RNF111: variants seen among roughly 807,000 people sequenced by gnomAD.
RNF111 encodes E3 ubiquitin-protein ligase Arkadia.
In RNF111, 17 loss-of-function variants were observed where a neutral mutation model predicts 95.1. The ratio of observed to expected loss-of-function variants is 0.18; its 90% CI spans 0.12 to 0.27. The LOEUF is 0.27. Among genes scored for constraint, RNF111 ranks in the 10% least tolerant of loss-of-function variants. The pLI is 1.00. For missense variants in RNF111, 1,189 were observed against 1,210.4 expected (o/e 0.98, Z 0.26); for synonymous variants, 440 against 414.8 (o/e 1.06, Z -0.74).
At chr15:59,036,015 G>C (rs1371383581) in intron 2 of RNF111, among the ~76,000 whole-genome samples, 1 of 152,128 alleles carries the variant, frequency 6.6e-6, no homozygotes, top group African/African-American at 2.4e-5. Flanking sequence ...TACTGTATTA[G>C]TTCATTCTCA....
intron 1 of RNF111, among the ~76,000 whole-genome samples, chr15:59,003,661 C>G (rs1295891705): frequency 1.3e-5 from 2 of 152,230 alleles, no homozygotes; most frequent in African/African-American, 2.4e-5. Context: ...CTCAGCCTCC[C>G]AAACTGCTGG....
At chr15:58,996,590 A>G (rs2039082384) in intron 1 of RNF111, among the ~76,000 whole-genome samples, 1 of 151,810 alleles carries the variant, frequency 6.6e-6, no homozygotes, top group African/African-American at 2.4e-5. Context: ...CAAGAAAAAA[A>G]AAATTAAAAA....
intron 1 of RNF111, among the ~76,000 whole-genome samples, chr15:58,991,975 A>G (rs1243328657): frequency 6.6e-6 from 1 of 152,172 alleles, no homozygotes. Flanking sequence ...TATGTAAGAA[A>G]ATGACCACTT....
At chr15:59,038,187 A>AGGAT (rs1197215828) in intron 2 of RNF111, among the ~76,000 whole-genome samples, 1 of 152,184 alleles carries the variant, frequency 6.6e-6, no homozygotes, top group Non-Finnish European at 1.5e-5. Flanking sequence ...TTGAGAGCAT[A>AGGAT]GGATCCTCAT....
At chr15:59,009,106 C>A (rs1406101299) in intron 1 of RNF111, among the ~76,000 whole-genome samples, 4 of 152,008 alleles carry the variant, frequency 2.6e-5, no homozygotes. Context: ...ATTATAGGTG[C>A]ACCACCATGT....
chr15:59,028,320 C>T (rs1026986851), intron 1 of RNF111, among the ~76,000 whole-genome samples: 5 of 152,016 alleles, frequency 3.3e-5, no homozygotes, highest in African/African-American at 7.2e-5. Flanking sequence ...TGGTAGTCTG[C>T]GCCCCTGTCC....
chr15:59,016,792 G>A (rs1384224459), intron 1 of RNF111, among the ~76,000 whole-genome samples: 1 of 152,106 alleles, frequency 6.6e-6, no homozygotes. Context: ...GGTGAGTGGT[G>A]GATGAGTAGT....
chr15:59,030,070 C>T (rs574420774), intron 1 of RNF111, among the ~76,000 whole-genome samples: 4 of 152,002 alleles, frequency 2.6e-5, no homozygotes, highest in Non-Finnish European at 5.9e-5. Context: ...TTTGGCAGCT[C>T]GTAATTTAAG....
chr15:59,055,497 A>G (rs2042164999), intron 3 of RNF111, among the ~76,000 whole-genome samples, 185 bp from the exon 4 acceptor site: 1 of 107,572 alleles, frequency 9.3e-6, no homozygotes, highest in African/African-American at 4.2e-5. Flanking sequence ...GGTACAACAT[A>G]GTATTTCTTA....
chr15:59,036,886 G>T (rs2041205515), intron 2 of RNF111, among the ~76,000 whole-genome samples: 1 of 152,100 alleles, frequency 6.6e-6, no homozygotes, highest in Non-Finnish European at 1.5e-5. Flanking sequence ...TTGGAGTGCA[G>T]TGGTGCAATT....
intron 1 of RNF111, among the ~76,000 whole-genome samples, chr15:59,000,732 G>T (rs1209233308): frequency 1.3e-5 from 2 of 151,360 alleles, no homozygotes; most frequent in Admixed American, 1.3e-4. Context: ...AAAGATAACT[G>T]CTGCTGCAGA....
Position 59,092,638 on chromosome 15 carries a change from G to A in RNF111, c.2841G>A (p.Val947=). The A allele has an allele frequency of 6.2e-7, 1 of 1,605,788 alleles. No homozygotes were observed. Among genetic ancestry groups the A allele is most frequent in the Non-Finnish European group, 8.5e-7 (1 of 1,175,486 alleles). The part of the protein sequence containing the change: ...CLSILEEGED[V]RRLPCMHLFH... ...CTATTTTAGAGGAAGGTGAAGATGTGAGGTAACTAGATATTAATTATCTAA... is the reference window on the plus strand; with the variant it reads ...CTATTTTAGAGGAAGGTGAAGATGTAAGGTAACTAGATATTAATTATCTAA... Residue 947 remains valine (V), a splice_region_variant and synonymous_variant, in exon 13 of 14, where the codon GTG becomes GTA. Transcript: ENST00000348370.
intron 2 of RNF111, among the ~76,000 whole-genome samples, chr15:59,046,741 A>G (rs1184322170): frequency 6.6e-6 from 1 of 152,156 alleles, no homozygotes; most frequent in East Asian, 1.9e-4. Context: ...AAAATTAGAG[A>G]CTTTCGTGCT....
At chr15:58,991,391 C>G (rs747239375) in intron 1 of RNF111, among the ~76,000 whole-genome samples, 2 of 152,202 alleles carry the variant, frequency 1.3e-5, no homozygotes, top group African/African-American at 2.4e-5. Context: ...TTGAATGTCT[C>G]ATGTTCTAGG....
chr15:59,070,829 C>G (rs559130450), intron 6 of RNF111, among the ~76,000 whole-genome samples: 25 of 152,252 alleles, frequency 1.6e-4, no homozygotes, highest in South Asian at 1.2e-3. Flanking sequence ...TGTTGGGTGA[C>G]TTGAGCCTTT....
intron 2 of RNF111, among the ~76,000 whole-genome samples, chr15:59,034,950 C>A (rs1383581832): frequency 6.6e-6 from 1 of 152,156 alleles, no homozygotes; most frequent in Non-Finnish European, 1.5e-5. Flanking sequence ...TAAAGACATA[C>A]CCAAGACTGG....
chr15:59,082,856 A>G (rs936582260), intron 8 of RNF111, among the ~76,000 whole-genome samples: 2 of 152,248 alleles, frequency 1.3e-5, no homozygotes, highest in African/African-American at 4.8e-5. Flanking sequence ...CTGCCATTCT[A>G]ATATAGTAAC....
At chr15:59,059,326 G>T (rs939312917) in intron 5 of RNF111, among the ~76,000 whole-genome samples, 1 of 152,068 alleles carries the variant, frequency 6.6e-6, no homozygotes, top group Non-Finnish European at 1.5e-5. Flanking sequence ...ACCAACTAGG[G>T]TGTCTATAAC....
chr15:58,989,173 A>T (rs1192776830), intron 1 of RNF111, among the ~76,000 whole-genome samples: 2 of 152,196 alleles, frequency 1.3e-5, no homozygotes, highest in African/African-American at 2.4e-5. Flanking sequence ...ATAGTTTATT[A>T]CTATATGTAT....
Sources: gnomAD v4.1 joint callset for allele counts (sites outside exome capture counted in the v4.1 genomes callset) on GRCh38, gnomAD v4.1.1 for gene constraint, MANE v1.5 for transcripts, NCBI Gene and HGNC (gene_info 2026-07-23, HGNC 2026-07-21) for gene names.